LIMCH1: variants seen among roughly 807,000 people sequenced by gnomAD.
LIMCH1 encodes LIM and calponin homology domains 1, also known as LIM and calponin homology domains-containing protein 1.
A neutral mutation model predicts 176.5 loss-of-function variants in LIMCH1; 113 were observed. That is an observed-to-expected ratio of 0.64 (90% confidence interval 0.55 to 0.75). The LOEUF (loss-of-function observed/expected upper bound fraction) is 0.75. Among genes scored for constraint, LIMCH1 ranks in the 30% least tolerant of loss-of-function variants. LIMCH1 has a pLI of 0.00. For synonymous variants in LIMCH1, 619 were observed against 645.9 expected (o/e 0.96, Z 0.63); for missense variants, 1,674 against 1,814.9 (o/e 0.92, Z 1.41).
At chr4:41,598,671 T>G (rs377351569) in intron 1 of LIMCH1, among the ~76,000 whole-genome samples, 2 of 152,218 alleles carry the variant, frequency 1.3e-5, no homozygotes, top group African/African-American at 4.8e-5. Flanking sequence ...AATGGCATTT[T>G]ACTTGCAGTT....
chr4:41,660,400 G>C (rs867429728), intron 18 of LIMCH1, among the ~76,000 whole-genome samples: 4 of 152,170 alleles, frequency 2.6e-5, no homozygotes, highest in Admixed American at 6.5e-5. Context: ...CCATGGAGAT[G>C]AACATGACAG....
chr4:41,681,094 A>C, intron 25 of LIMCH1, 35 bp downstream of exon 25: 3 of 1,309,004 alleles, frequency 2.3e-6, no homozygotes, highest in Non-Finnish European at 3.3e-6. Flanking sequence ...TTGTGAAATA[A>C]ATAAACCTAA....
At chr4:41,457,587 G>A (rs2064774625) in intron 1 of LIMCH1, among the ~76,000 whole-genome samples, 1 of 152,146 alleles carries the variant, frequency 6.6e-6, no homozygotes, top group African/African-American at 2.4e-5. Flanking sequence ...GGGAGGCTAA[G>A]TAGCTTAGCC....
chr4:41,611,956 A>G (rs943280619), intron 4 of LIMCH1, among the ~76,000 whole-genome samples: 1 of 152,052 alleles, frequency 6.6e-6, no homozygotes, highest in Non-Finnish European at 1.5e-5. Flanking sequence ...TTAACTTTTG[A>G]CCTAAGAGTA....
intron 5 of LIMCH1, among the ~76,000 whole-genome samples, chr4:41,616,598 T>C (rs1584909992): frequency 6.6e-6 from 1 of 152,126 alleles, no homozygotes; most frequent in Non-Finnish European, 1.5e-5. Context: ...TTCTCCTAAC[T>C]CTGGACATAA....
chr4:41,471,953 C>T (rs112502633), intron 1 of LIMCH1, among the ~76,000 whole-genome samples: 2 of 152,200 alleles, frequency 1.3e-5, no homozygotes, highest in Non-Finnish European at 2.9e-5. Context: ...AACATCTACA[C>T]ACAAGTGCAC....
chr4:41,585,208 C>T (rs2086223780), intron 1 of LIMCH1, among the ~76,000 whole-genome samples: 1 of 152,308 alleles, frequency 6.6e-6, no homozygotes, highest in South Asian at 2.1e-4. Flanking sequence ...TTATCCCCTA[C>T]CCTTACCTCA....
chr4:41,392,364 C>A (rs1260120317), intron 1 of LIMCH1, among the ~76,000 whole-genome samples: 1 of 152,106 alleles, frequency 6.6e-6, no homozygotes, highest in Non-Finnish European at 1.5e-5. Context: ...AAGAAGATGA[C>A]TTTAATGTAA....
At chr4:41,372,665 G>A (rs2054149583) in intron 1 of LIMCH1, among the ~76,000 whole-genome samples, 1 of 152,154 alleles carries the variant, frequency 6.6e-6, no homozygotes, top group Non-Finnish European at 1.5e-5. Context: ...ACATTTCCAG[G>A]AGAAGCTTCT....
chr4:41,671,650 A>G, intron 22 of LIMCH1, 56 bp downstream of exon 22: 1 of 1,316,384 alleles, frequency 7.6e-7, no homozygotes, highest in Non-Finnish European at 1.1e-6. Flanking sequence ...TTAATTTATA[A>G]CATTTGATTG....
At chr4:41,678,949 A>G (rs549392244) in intron 23 of LIMCH1, among the ~76,000 whole-genome samples, 25 of 152,260 alleles carry the variant, frequency 1.6e-4, no homozygotes, top group African/African-American at 5.1e-4. Context: ...TTTCGTAACA[A>G]TTTTTACCAG....
intron 1 of LIMCH1, among the ~76,000 whole-genome samples, chr4:41,577,591 G>A (rs999459408): frequency 7.9e-5 from 12 of 151,912 alleles, no homozygotes; most frequent in African/African-American, 2.7e-4. Context: ...CACCACACCC[G>A]GCTAGTTTTA....
chr4:41,551,754 G>C (rs996140158), intron 1 of LIMCH1, among the ~76,000 whole-genome samples: 1 of 152,170 alleles, frequency 6.6e-6, no homozygotes, highest in African/African-American at 2.4e-5. Flanking sequence ...ATACAGCCAT[G>C]TTCACTCATT....
At chr4:41,364,089 A>G (rs1168892592) in intron 1 of LIMCH1, among the ~76,000 whole-genome samples, 1 of 152,112 alleles carries the variant, frequency 6.6e-6, no homozygotes, top group Non-Finnish European at 1.5e-5. Context: ...GTTCCAAATG[A>G]TTTCTTTGGA....
chr4:41,634,133 T>A (rs79978009), intron 13 of LIMCH1, among the ~76,000 whole-genome samples: 3,236 of 152,350 alleles, frequency 0.021, 125 homozygotes, highest in African/African-American at 0.073. Flanking sequence ...GATTTCACTT[T>A]GATTCCAGGT....
chr4:41,582,249 G>A (rs1213241891), intron 1 of LIMCH1, among the ~76,000 whole-genome samples: 1 of 152,162 alleles, frequency 6.6e-6, no homozygotes, highest in East Asian at 1.9e-4. Flanking sequence ...AGAGCTGCAT[G>A]TGTATGTTGT....
At chr4:41,566,929 G>T (rs1451613870) in intron 1 of LIMCH1, among the ~76,000 whole-genome samples, 3 of 152,204 alleles carry the variant, frequency 2.0e-5, no homozygotes, top group Non-Finnish European at 4.4e-5. Flanking sequence ...TCATCATGAG[G>T]ACTGAATCAT....
At chr4:41,644,662 G>T in intron 15 of LIMCH1, 36 bp downstream of exon 15, 1 of 1,579,306 alleles carries the variant, frequency 6.3e-7, no homozygotes, top group African/African-American at 1.4e-5. Flanking sequence ...CAGCGGGGAG[G>T]CTTCTGGCAG....
At chr4:41,532,458 A>G (rs1397133991) in intron 3 of LIMCH1, among the ~76,000 whole-genome samples, 1 of 152,234 alleles carries the variant, frequency 6.6e-6, no homozygotes, top group Non-Finnish European at 1.5e-5. Flanking sequence ...TTCGAGTAAC[A>G]TTCAAAAGTA....
Sources: allele counts gnomAD v4.1 joint callset (sites outside exome capture counted in the v4.1 genomes callset), GRCh38; gene constraint gnomAD v4.1.1; transcripts MANE v1.5; gene names NCBI Gene and HGNC (gene_info 2026-07-23, HGNC 2026-07-21).